TIAM2: variants seen among roughly 807,000 people sequenced by gnomAD.
TIAM2 encodes rho guanine nucleotide exchange factor TIAM2.
A neutral mutation model predicts 152.9 loss-of-function variants in TIAM2; 80 were observed. The observed-to-expected ratio is 0.52, with a 90% CI of 0.44 to 0.63. TIAM2 has a LOEUF of 0.63. Among genes scored for constraint, TIAM2 ranks in the 30% least tolerant of loss-of-function variants. The pLI, the probability that TIAM2 is intolerant of heterozygous loss-of-function variation, is 0.00. For missense variants in TIAM2, 1,965 were observed against 2,120.1 expected, an observed-to-expected ratio of 0.93 and a Z score of 1.44; for synonymous variants, 804 against 838.0, an observed-to-expected ratio of 0.96 and a Z score of 0.70.
chr6:155,188,811 C>T (rs1781116931), intron 14 of TIAM2, among the ~76,000 whole-genome samples: 2 of 152,170 alleles, frequency 1.3e-5, no homozygotes, highest in Non-Finnish European at 1.5e-5. Context: ...TTAATGAATT[C>T]TCCATCTATA....
At chr6:155,082,665 C>CAAATAAATAAATAAATAAAT (rs765607888) in intron 1 of TIAM2, among the ~76,000 whole-genome samples, 1,008 of 93,392 alleles carry the variant, frequency 0.011, 8 homozygotes, top group Middle Eastern at 0.023. Context: ...CAAAAAAACC[C>CAAATAAATAAATAAATAAAT]CAATAAATAA....
At chr6:155,230,648 A>G (rs996875235) in intron 15 of TIAM2, among the ~76,000 whole-genome samples, 4 of 152,166 alleles carry the variant, frequency 2.6e-5, no homozygotes, top group Admixed American at 1.3e-4. Flanking sequence ...AAAAATTGTA[A>G]AAATTCAACC....
chr6:155,230,449 CTG>C (rs1160133019), intron 15 of TIAM2, among the ~76,000 whole-genome samples: 1 of 152,220 alleles, frequency 6.6e-6, no homozygotes, highest in East Asian at 1.9e-4. Flanking sequence ...GTAGCTCTCT[CTG>C]TTGTGTTTCC....
At chr6:155,132,381 G>T (rs916623237) in intron 4 of TIAM2, among the ~76,000 whole-genome samples, 2 of 151,378 alleles carry the variant, frequency 1.3e-5, no homozygotes, top group Admixed American at 1.3e-4. Flanking sequence ...TGTATATAGC[G>T]TGTCTGCCTC....
chr6:155,176,187 C>G (rs563416819), intron 9 of TIAM2, among the ~76,000 whole-genome samples: 1 of 152,082 alleles, frequency 6.6e-6, no homozygotes, highest in Non-Finnish European at 1.5e-5. Context: ...ACCATGATCC[C>G]AGAGCAGTAA....
rs566573967 is a variant in TIAM2, at chr6:155,065,733, C to T, written c.-208-24556C>T. Among the ~76,000 whole-genome samples the T allele has an allele frequency of 7.2e-5, 11 of 152,276 alleles. 1 individual carries two copies. The highest frequency in any genetic ancestry group is 2.6e-4 in the African/African-American group (11 of 41,562). On this transcript the variant is annotated intron_variant, in intron 1 of 26. Coordinates refer to ENST00000682666, the MANE Select transcript of TIAM2 (RefSeq NM_012454.4). ...GCAGTGAGCCCAGAGTGCGCCACTG[C>T]ACTCCAGCTTGGGCAACAGAATAAG...
chr6:155,255,339 T>C (rs1357527922), intron 26 of TIAM2: 2 of 152,214 alleles, frequency 1.3e-5, no homozygotes, highest in African/African-American at 2.4e-5. Context: ...TCAAATCACG[T>C]TGTTCTTTCT....
At chr6:155,028,643 A>ATATACTACATATAATATATATACTGTGT (rs1776698089) in intron 1 of TIAM2, among the ~76,000 whole-genome samples, 3 of 134,860 alleles carry the variant, frequency 2.2e-5, no homozygotes, top group Non-Finnish European at 3.1e-5. Context: ...TGTGTTATAT[A>ATATACTACATATAATATATATACTGTGT]TATACTACAT....
At chr6:155,122,642 A>ATGTTT (rs1230809559) in intron 2 of TIAM2, among the ~76,000 whole-genome samples, 2 of 152,152 alleles carry the variant, frequency 1.3e-5, no homozygotes, top group Non-Finnish European at 2.9e-5. Flanking sequence ...ACAGCATAAA[A>ATGTTT]TGTTTGCTAA....
At chr6:155,120,194 C>T (rs1223801830) in intron 2 of TIAM2, among the ~76,000 whole-genome samples, 1 of 152,154 alleles carries the variant, frequency 6.6e-6, no homozygotes. Flanking sequence ...TGCTTGTCAG[C>T]GGAGATCCTG....
chr6:155,058,383 A>G (rs932550469), intron 1 of TIAM2, among the ~76,000 whole-genome samples: 1 of 152,214 alleles, frequency 6.6e-6, no homozygotes, highest in Non-Finnish European at 1.5e-5. Context: ...CATCCAGAGA[A>G]GCAATTCCAG....
chr6:155,204,671 T>C (rs1781555039), intron 14 of TIAM2, among the ~76,000 whole-genome samples: 1 of 152,208 alleles, frequency 6.6e-6, no homozygotes, highest in East Asian at 1.9e-4. Context: ...CTATAATATA[T>C]GCTTTGAAGC....
chr6:155,256,742 G>A lies in TIAM2; in HGVS notation c.4727G>A (p.Arg1576His), dbSNP rs370861581. 8.7e-6 allele frequency: 14 copies of A among 1,614,084 alleles called. No homozygotes were observed. The highest frequency in any genetic ancestry group is 1.6e-4 in the Middle Eastern group (1 of 6,084). The change falls in exon 27 of 27, where the codon CGT becomes CAT. Residue 1576 changes from arginine (R) to histidine (H), a missense_variant. Coordinates refer to ENST00000682666, the MANE Select transcript of TIAM2 (RefSeq NM_012454.4). The stretch of plus-strand genomic sequence containing the variant: ...CTGAGCGATGAAGATGATGACCACC[G>A]TCAGACTGTGAAGCAGGGCAGCCCT... ...DILSDEDDDHRQTVKQGSPTK... is the reference protein window; with the variant it reads ...DILSDEDDDHHQTVKQGSPTK...
chr6:155,257,433 C>A lies in TIAM2; in HGVS notation c.*312C>A, dbSNP rs779291855. Reference sequence around the variant, plus strand: ...GTGGAAAAAGTAAGGCTGGGGAAGTCGTGATTAATAGTTTTCAAAGGGCCA... The same window carrying A: ...GTGGAAAAAGTAAGGCTGGGGAAGTAGTGATTAATAGTTTTCAAAGGGCCA... On this transcript the variant is annotated 3_prime_UTR_variant, in exon 27 of 27. Transcript: ENST00000682666. The A allele has an allele frequency of 2.9e-6, 1 of 350,780 alleles. No homozygotes were observed. The highest frequency in any genetic ancestry group is 4.6e-5 in the Admixed American group (1 of 21,662). 21.7% of individuals were successfully genotyped at this position (350,780 alleles called of 1,614,324 possible).
intron 1 of TIAM2, among the ~76,000 whole-genome samples, chr6:155,053,528 G>A (rs1256768424): frequency 6.7e-6 from 1 of 149,112 alleles, no homozygotes; most frequent in Non-Finnish European, 1.5e-5. Flanking sequence ...CTGGAGTGCA[G>A]TGTCACAATC....
chr6:155,081,801 C>T (rs917287894), intron 1 of TIAM2, among the ~76,000 whole-genome samples: 1 of 152,298 alleles, frequency 6.6e-6, no homozygotes, highest in African/African-American at 2.4e-5. Flanking sequence ...GTAAATCTCT[C>T]GTTTTTTTTA....
At chr6:155,159,532 T>C (rs1780209961) in intron 7 of TIAM2, among the ~76,000 whole-genome samples, 1 of 152,222 alleles carries the variant, frequency 6.6e-6, no homozygotes, top group South Asian at 2.1e-4. Flanking sequence ...GACTTAAGTC[T>C]CAACTGCTGA....
At chr6:155,040,290 G>T (rs1369253577) in intron 1 of TIAM2, among the ~76,000 whole-genome samples, 1 of 152,014 alleles carries the variant, frequency 6.6e-6, no homozygotes, top group Non-Finnish European at 1.5e-5. Flanking sequence ...ATTACTTTTG[G>T]GAATTCTTCC....
At position 155,082,666 on chromosome 6, in the gene TIAM2, C is replaced by CAATAAAT. The variant is rs1554228917; in HGVS notation, c.-208-7620_-208-7614dup. On this transcript the variant is annotated intron_variant, in intron 1 of 26. Transcript: ENST00000682666. ...ACTCCATCTCAACCCAAAAAAACCC[C>CAATAAAT]AATAAATAAATAAATAAATAAATAA... 7.1e-5 allele frequency among the ~76,000 whole-genome samples: 10 copies of CAATAAAT among 141,348 alleles called. No homozygotes were observed. The South Asian group carries it at 1.4e-3, about 20-fold the overall frequency. 92.7% of individuals were successfully genotyped at this position (141,348 alleles called of 152,430 possible).
Sources: allele counts gnomAD v4.1 joint callset (sites outside exome capture counted in the v4.1 genomes callset), GRCh38; gene constraint gnomAD v4.1.1; transcripts MANE v1.5; gene names NCBI Gene and HGNC (gene_info 2026-07-23, HGNC 2026-07-21).